The following ATF6 variants were observed in gnomAD, a reference collection of about 807,000 sequenced individuals.
ATF6 encodes the protein cyclic AMP-dependent transcription factor ATF-6 alpha.
A neutral mutation model predicts 83.6 loss-of-function variants in ATF6; 53 were observed. That is an observed-to-expected ratio of 0.63 (90% confidence interval 0.51 to 0.80). The LOEUF (loss-of-function observed/expected upper bound fraction) is 0.80, where lower values mean the gene tolerates loss of function less well. ATF6 is among the 30% of genes least tolerant of loss of function. The pLI is 0.00. For missense variants in ATF6, 744 were observed against 797.9 expected, an observed-to-expected ratio of 0.93 and a Z score of 0.81; for synonymous variants, 288 against 285.8, an observed-to-expected ratio of 1.01 and a Z score of -0.08.
intron 15 of ATF6, among the ~76,000 whole-genome samples, chr1:161,933,954 C>T (rs1208053578): frequency 6.6e-6 from 1 of 152,206 alleles, no homozygotes; most frequent in African/African-American, 2.4e-5. Context: ...CATAAAGAAG[C>T]ATCCCACCAG....
intron 9 of ATF6, among the ~76,000 whole-genome samples, chr1:161,823,593 A>G (rs1011026424): frequency 6.6e-6 from 1 of 152,202 alleles, no homozygotes; most frequent in Admixed American, 6.5e-5. Context: ...TCTAAAACAC[A>G]TGGGGATACT....
At chr1:161,920,076 G>T (rs960513467) in intron 15 of ATF6, among the ~76,000 whole-genome samples, 3 of 151,986 alleles carry the variant, frequency 2.0e-5, no homozygotes, top group African/African-American at 4.8e-5. Flanking sequence ...CAGGTCGAGA[G>T]TTTTTCCTTT....
At chr1:161,800,013 G>C (rs566256230) in intron 6 of ATF6, among the ~76,000 whole-genome samples, 1 of 152,140 alleles carries the variant, frequency 6.6e-6, no homozygotes, top group African/African-American at 2.4e-5. Flanking sequence ...CATTTTGTTA[G>C]ATAGGCTCAA....
At chr1:161,861,783 G>A (rs926272470) in intron 13 of ATF6, among the ~76,000 whole-genome samples, 1 of 152,142 alleles carries the variant, frequency 6.6e-6, no homozygotes, top group Non-Finnish European at 1.5e-5. Context: ...ATATAAACAA[G>A]GTCCTTTTCA....
chr1:161,801,359 CTTTTTTTTTTTTT>C (rs1170991022), intron 6 of ATF6, among the ~76,000 whole-genome samples: 4 of 95,288 alleles, frequency 4.2e-5, no homozygotes, highest in African/African-American at 1.6e-4. Flanking sequence ...TATTTGTAGT[CTTTTTTTTTTTTT>C]TTTTTTTTTT....
At chr1:161,856,217 G>A (rs1014306457) in intron 12 of ATF6, among the ~76,000 whole-genome samples, 5 of 152,166 alleles carry the variant, frequency 3.3e-5, no homozygotes, top group Admixed American at 2.6e-4. Context: ...GCTAGTCTAG[G>A]TGAGCTCAAA....
intron 14 of ATF6, among the ~76,000 whole-genome samples, chr1:161,884,618 A>C (rs1318228619): frequency 6.6e-6 from 1 of 152,142 alleles, no homozygotes; most frequent in Non-Finnish European, 1.5e-5. Flanking sequence ...ATATTTACTG[A>C]ATAGCCATTA....
chr1:161,954,061 T>G (rs765978937), intron 15 of ATF6, among the ~76,000 whole-genome samples: 44 of 152,106 alleles, frequency 2.9e-4, no homozygotes, highest in Non-Finnish European at 5.7e-4. Context: ...GGAGGGGGTT[T>G]GTTTGTTTGC....
intron 2 of ATF6, 69 bp from the exon 3 acceptor site, chr1:161,781,843 T>G (rs1252791043): frequency 9.7e-7 from 1 of 1,034,552 alleles, no homozygotes; most frequent in Non-Finnish European, 1.4e-6. Context: ...AAATTGTGTC[T>G]CACAGTTTGA....
At chr1:161,773,063 A>G (rs1330594434) in intron 1 of ATF6, among the ~76,000 whole-genome samples, 1 of 143,518 alleles carries the variant, frequency 7.0e-6, no homozygotes. Context: ...CACCTCCTGG[A>G]TTCAAGCGAT....
intron 1 of ATF6, among the ~76,000 whole-genome samples, chr1:161,767,411 TCC>T (rs1684289930): frequency 1.3e-5 from 2 of 152,256 alleles, no homozygotes; most frequent in Non-Finnish European, 2.9e-5. Flanking sequence ...TTTATTTTAA[TCC>T]TTGGGTAGAT....
intron 6 of ATF6, among the ~76,000 whole-genome samples, chr1:161,800,160 G>A (rs1685109696): frequency 6.6e-6 from 1 of 152,082 alleles, no homozygotes; most frequent in South Asian, 2.1e-4. Flanking sequence ...TAATGGTACA[G>A]GTTTAGTACC....
Position 161,962,794 on chromosome 1 carries a change from C to T in ATF6, c.*4140C>T, listed in dbSNP as rs1689128169. 6.6e-6 allele frequency: 1 copy of T among 152,186 alleles called. No homozygotes were observed. Among genetic ancestry groups the T allele is most frequent in the South Asian group, 2.1e-4 (1 of 4,828 alleles). 9.4% of individuals were successfully genotyped at this position (152,186 alleles called of 1,614,324 possible). A position where few individuals can be genotyped will look rare whatever the true frequency, so the allele number is the denominator to read the frequency against. On this transcript the variant is annotated 3_prime_UTR_variant, in exon 16 of 16. Transcript: ENST00000367942. ...TATTGGCTATTTCATACCAATTAAC[C>T]TCTTAAATAAGATTGTGAATTGCCA...
chr1:161,845,775 CAAA>C (rs66887008), intron 9 of ATF6, among the ~76,000 whole-genome samples: 6 of 74,530 alleles, frequency 8.1e-5, no homozygotes, highest in Admixed American at 1.6e-4. Context: ...GACCCTGTCT[CAAA>C]AAAAAAAAAA....
intron 7 of ATF6, among the ~76,000 whole-genome samples, chr1:161,812,393 TTTTTTTTTTTTTTTTTTG>T (rs1685495494): frequency 9.0e-6 from 1 of 111,164 alleles, no homozygotes; most frequent in African/African-American, 3.8e-5. Context: ...TTTTTTTTTT[TTTTTTTTTTTTTTTTTTG>T]AGACGGAGTC....
intron 4 of ATF6, among the ~76,000 whole-genome samples, chr1:161,786,950 T>A (rs1388671396): frequency 6.6e-6 from 1 of 152,224 alleles, no homozygotes; most frequent in Non-Finnish European, 1.5e-5. Context: ...AATCCTTGAC[T>A]TTCTTCACCT....
chr1:161,831,677 C>T (rs2101800392), intron 9 of ATF6, among the ~76,000 whole-genome samples: 1 of 151,996 alleles, frequency 6.6e-6, no homozygotes, highest in Middle Eastern at 3.4e-3. Context: ...CCATCATTCT[C>T]AGCAAACTAT....
At chr1:161,956,182 A>T (rs989444069) in intron 15 of ATF6, among the ~76,000 whole-genome samples, 1 of 152,176 alleles carries the variant, frequency 6.6e-6, no homozygotes, top group African/African-American at 2.4e-5. Flanking sequence ...TTAAACTGTC[A>T]TCTGGATTCT....
chr1:161,792,019 C>T (rs752718762), intron 5 of ATF6, 105 bp from the exon 6 acceptor site: 17 of 945,588 alleles, frequency 1.8e-5, no homozygotes, highest in Admixed American at 1.7e-4. Context: ...GATTGTTAAT[C>T]GAAGTTAAGA....
Sources: allele counts gnomAD v4.1 joint callset (sites outside exome capture counted in the v4.1 genomes callset), GRCh38; gene constraint gnomAD v4.1.1; transcripts MANE v1.5; gene names NCBI Gene and HGNC (gene_info 2026-07-23, HGNC 2026-07-21).